The following GABRR1 variants were observed in gnomAD, a reference collection of about 807,000 sequenced individuals.
The protein encoded by GABRR1 is gamma-aminobutyric acid receptor subunit rho-1.
In GABRR1, 59 loss-of-function variants were observed where a neutral mutation model predicts 55.5. That is an observed-to-expected ratio of 1.06 (90% CI 0.86 to 1.32). GABRR1 has a LOEUF of 1.32. GABRR1 is among the 40% of genes most tolerant of loss of function. GABRR1 has a pLI of 0.00. For missense variants in GABRR1, 602 were observed against 619.1 expected (o/e 0.97, Z 0.29); for synonymous variants, 213 against 226.0 (o/e 0.94, Z 0.51).
At chr6:89,225,586 G>A (rs373871343) in intron 1 of GABRR1, among the ~76,000 whole-genome samples, 11 of 125,716 alleles carry the variant, frequency 8.7e-5, no homozygotes, top group African/African-American at 1.6e-4. Context: ...CCTACAAAGG[G>A]CATGAACTCA....
chr6:89,225,028 G>A (rs188131185), intron 1 of GABRR1, among the ~76,000 whole-genome samples: 42 of 152,202 alleles, frequency 2.8e-4, no homozygotes, highest in Admixed American at 2.6e-3. Flanking sequence ...TGATCCACCC[G>A]CCTTGGCCTC....
intron 2 of GABRR1, among the ~76,000 whole-genome samples, chr6:89,203,078 C>T (rs1772528920): frequency 6.6e-6 from 1 of 152,188 alleles, no homozygotes; most frequent in South Asian, 2.1e-4. Context: ...TTTCTGAACC[C>T]ACCAGGAAGT....
intron 6 of GABRR1, among the ~76,000 whole-genome samples, chr6:89,188,649 T>C (rs1181453019): frequency 6.6e-6 from 1 of 152,224 alleles, no homozygotes; most frequent in Non-Finnish European, 1.5e-5. Flanking sequence ...CTTTGTATTC[T>C]GGATATCAAT....
chr6:89,181,713 C>A (rs189484917), intron 8 of GABRR1, among the ~76,000 whole-genome samples, 192 bp downstream of exon 8: 1 of 152,232 alleles, frequency 6.6e-6, no homozygotes, highest in East Asian at 1.9e-4. Flanking sequence ...CCTGCAGAGT[C>A]CTGGAAAGCA....
chr6:89,204,725 C>G (rs1254952851), intron 1 of GABRR1: 3 of 1,072,606 alleles, frequency 2.8e-6, no homozygotes, highest in Non-Finnish European at 2.5e-6. Flanking sequence ...GAATAAAATA[C>G]AGTTATAGTC....
chr6:89,190,077 G>T, intron 6 of GABRR1, 88 bp downstream of exon 6: 1 of 888,644 alleles, frequency 1.1e-6, no homozygotes, highest in South Asian at 1.8e-5. Context: ...CATGAATAAG[G>T]AACACACACT....
chr6:89,201,507 C>T lies in GABRR1; in HGVS notation c.174-242G>A, dbSNP rs117039632. On this transcript the variant is annotated intron_variant, in intron 2 of 9. Coordinates refer to ENST00000454853, the MANE Select transcript of GABRR1 (RefSeq NM_002042.5). ...AAAATACTGATGCCTGGGCCGGGTGCGGTGGCTCACGCCTGCAATCCCAGA... is the reference window on the plus strand; with the variant it reads ...AAAATACTGATGCCTGGGCCGGGTGTGGTGGCTCACGCCTGCAATCCCAGA... Among the ~76,000 whole-genome samples, 555 of 152,234 alleles carry T rather than the reference C, an allele frequency of 3.6e-3. 4 individuals carry two copies. In the East Asian group the frequency reaches 0.052, roughly 14 times the overall value.
chr6:89,215,752 A>C (rs1279028859), intron 1 of GABRR1, among the ~76,000 whole-genome samples: 1 of 152,232 alleles, frequency 6.6e-6, no homozygotes, highest in African/African-American at 2.4e-5. Context: ...CACTGTATGT[A>C]TAGATCCTTA....
chr6:89,184,886 T>TTTCTTC (rs1554189705), intron 7 of GABRR1, among the ~76,000 whole-genome samples: 1 of 42,476 alleles, frequency 2.4e-5, no homozygotes, highest in Non-Finnish European at 6.2e-5. Flanking sequence ...CTTTTCTTTC[T>TTTCTTC]TTTTTTTTTT....
At chr6:89,185,525 G>C in intron 6 of GABRR1, 75 bp from the exon 7 acceptor site, 1 of 1,328,702 alleles carries the variant, frequency 7.5e-7, no homozygotes, top group Non-Finnish European at 1.1e-6. Context: ...TGTAGAAGCT[G>C]TGTCCTGACC....
intron 6 of GABRR1, among the ~76,000 whole-genome samples, chr6:89,186,361 G>A (rs1304320942): frequency 6.6e-6 from 1 of 152,190 alleles, no homozygotes; most frequent in Non-Finnish European, 1.5e-5. Context: ...ATCTGGGTGG[G>A]CCTGATTCCA....
In GABRR1 at chr6:89,181,914, C is replaced by G; in HGVS notation, c.940G>C (p.Val314Leu). ...TTGAGGTATTCCTTACCTAAGGGGA[C>G]TCTGGCAGGCACGGCTCTGCGGTCG... ...WIDRRAVPARVPLGITTVLTM... is the reference protein window; with the variant it reads ...WIDRRAVPARLPLGITTVLTM... The change falls in exon 8 of 10, where the codon GTC becomes CTC. Residue 314 changes from valine (V) to leucine (L), a missense_variant. This residue lies in a region of GABRR1 where 435 missense variants were observed against 424.2 expected (regional missense o/e 1.03). Transcript: ENST00000454853. The G allele has an allele frequency of 6.2e-7, 1 of 1,612,382 alleles. No individual in the cohort carries two copies. The highest frequency in any genetic ancestry group is 8.5e-7 in the Non-Finnish European group (1 of 1,179,086).
At chr6:89,186,442 T>C (rs555910228) in intron 6 of GABRR1, among the ~76,000 whole-genome samples, 141 of 152,350 alleles carry the variant, frequency 9.3e-4, no homozygotes, top group Non-Finnish European at 1.5e-3. Context: ...GCCTGCGGCA[T>C]CCGCTCCTGC....
intron 1 of GABRR1, chr6:89,205,584 A>C (rs1231060419): frequency 6.6e-6 from 1 of 152,214 alleles, no homozygotes; most frequent in Non-Finnish European, 1.5e-5. Context: ...TCTAGTTCTT[A>C]GTCTGTGCAT....
rs116985284 is a variant in GABRR1 at position 89,200,399 on chromosome 6, C to T, written c.280+760G>A. Among the ~76,000 whole-genome samples, 239 of 151,920 alleles carry T rather than the reference C, an allele frequency of 1.6e-3. 6 individuals carry two copies. The East Asian group carries it at 0.042, about 27-fold the overall frequency. On this transcript the variant is annotated intron_variant, in intron 3 of 9. Transcript: ENST00000454853. ...GAATAGCTGGGACTACAGGTGCACA[C>T]CACCACAGCTGGCTAAATTTTGTAT...
At chr6:89,187,919 T>C (rs1771962206) in intron 6 of GABRR1, among the ~76,000 whole-genome samples, 1 of 152,248 alleles carries the variant, frequency 6.6e-6, no homozygotes, top group South Asian at 2.1e-4. Context: ...TGAATAGAAC[T>C]GCTATAAATA....
At position 89,180,909 on chromosome 6, in the gene GABRR1, C is replaced by A. The variant is rs368872593; in HGVS notation, c.950-421G>T. Among the ~76,000 whole-genome samples the A allele has an allele frequency of 5.3e-5, 8 of 152,270 alleles. No individual in the cohort carries two copies. The East Asian group carries it at 7.7e-4, about 15-fold the overall frequency. Reference sequence around the variant, plus strand: ...GGTTTATTTTAATATCATGTCCTGGCTCTTGGTGTGCAGTCCTGTTGTCCT... The same window carrying A: ...GGTTTATTTTAATATCATGTCCTGGATCTTGGTGTGCAGTCCTGTTGTCCT... On this transcript the variant is annotated intron_variant, in intron 8 of 9. Transcript: ENST00000454853.
intron 6 of GABRR1, among the ~76,000 whole-genome samples, 193 bp downstream of exon 6, chr6:89,189,972 G>C (rs557050558): frequency 6.6e-6 from 1 of 152,228 alleles, no homozygotes; most frequent in East Asian, 1.9e-4. Context: ...CTTGAACCTG[G>C]GAGGCAGAGG....
chr6:89,191,237 G>A (rs1582383316), intron 5 of GABRR1, among the ~76,000 whole-genome samples: 2 of 152,296 alleles, frequency 1.3e-5, no homozygotes, highest in African/African-American at 4.8e-5. Context: ...CAGCAGCTGG[G>A]TGGTCTTATG....
Sources: gnomAD v4.1 joint callset for allele counts (sites outside exome capture counted in the v4.1 genomes callset) on GRCh38, gnomAD v4.1.1 for gene constraint, gnomAD v4.1.1 regional missense constraint, MANE v1.5 for transcripts, NCBI Gene and HGNC (gene_info 2026-07-23, HGNC 2026-07-21) for gene names.